Variants in GNA12 observed in about 807,000 individuals in gnomAD.
GNA12 encodes the protein guanine nucleotide-binding protein subunit alpha-12.
GNA12 carries 9 observed loss-of-function variants against 26.0 expected under a neutral mutation model. The ratio of observed to expected loss-of-function variants is 0.35; its 90% confidence interval spans 0.21 to 0.60. The LOEUF is 0.60. GNA12 is among the 20% of genes least tolerant of loss of function. The pLI is 0.78. For synonymous variants in GNA12, 264 were observed against 219.6 expected (o/e 1.20, Z -1.79); for missense variants, 405 against 525.8 (o/e 0.77, Z 2.25).
chr7:2,806,294 C>A (rs369283233), intron 1 of GNA12, among the ~76,000 whole-genome samples: 5 of 151,910 alleles, frequency 3.3e-5, no homozygotes, highest in African/African-American at 1.2e-4. Context: ...GCCTGGCCAA[C>A]ATGGTGAAAC....
At chr7:2,842,504 C>T (rs1779025559) in intron 1 of GNA12, among the ~76,000 whole-genome samples, 1 of 152,164 alleles carries the variant, frequency 6.6e-6, no homozygotes, top group South Asian at 2.1e-4. Context: ...TGCTGTGTTG[C>T]CCAGGTTGGT....
chr7:2,837,196 G>A (rs979476821), intron 1 of GNA12, among the ~76,000 whole-genome samples: 1 of 137,406 alleles, frequency 7.3e-6, no homozygotes, highest in Non-Finnish European at 1.6e-5. Context: ...CCACCACGAG[G>A]CAGAAAGAGG....
At chr7:2,838,162 C>T (rs1421276591) in intron 1 of GNA12, among the ~76,000 whole-genome samples, 1 of 150,710 alleles carries the variant, frequency 6.6e-6, no homozygotes, top group Non-Finnish European at 1.5e-5. Context: ...ATCAATCAGC[C>T]AGGGAGGACA....
intron 1 of GNA12, among the ~76,000 whole-genome samples, chr7:2,800,979 C>G (rs920177066): frequency 1.3e-5 from 2 of 152,120 alleles, no homozygotes; most frequent in African/African-American, 4.8e-5. Context: ...CCCCACTATG[C>G]ACAACAAAAA....
intron 2 of GNA12, among the ~76,000 whole-genome samples, chr7:2,758,394 G>T (rs1451406042): frequency 2.0e-5 from 3 of 152,210 alleles, no homozygotes; most frequent in Non-Finnish European, 4.4e-5. Flanking sequence ...ATGAAAGAGG[G>T]TGTAAAGGGC....
At chr7:2,759,944 G>A (rs773671367) in intron 2 of GNA12, among the ~76,000 whole-genome samples, 1 of 152,214 alleles carries the variant, frequency 6.6e-6, no homozygotes, top group Non-Finnish European at 1.5e-5. Context: ...TGCCAAGCAG[G>A]CTGTGTAGGC....
intron 1 of GNA12, among the ~76,000 whole-genome samples, chr7:2,822,116 C>T (rs996331880): frequency 9.9e-5 from 15 of 151,636 alleles, no homozygotes; most frequent in Admixed American, 8.5e-4. Flanking sequence ...AGCTAAAAAA[C>T]GTTAGAATGT....
intron 2 of GNA12, among the ~76,000 whole-genome samples, chr7:2,737,274 G>GTTTTTT (rs1041056812): frequency 0.013 from 455 of 34,998 alleles, 38 homozygotes; most frequent in East Asian, 0.026. Context: ...GTTTTGTTTT[G>GTTTTTT]TTTTTTTTTT....
chr7:2,824,979 G>A (rs976543501), intron 1 of GNA12, among the ~76,000 whole-genome samples: 6 of 152,068 alleles, frequency 3.9e-5, no homozygotes, highest in African/African-American at 7.2e-5. Flanking sequence ...CTCAGGCCCC[G>A]TGAGGGTGAG....
chr7:2,758,093 T>C (rs1047212136), intron 2 of GNA12, among the ~76,000 whole-genome samples: 5 of 152,198 alleles, frequency 3.3e-5, no homozygotes, highest in African/African-American at 1.2e-4. Flanking sequence ...TCAGCAGCTG[T>C]TGCTTCAGGC....
chr7:2,738,191 A>G (rs798518), intron 2 of GNA12, among the ~76,000 whole-genome samples: 40,164 of 152,018 alleles, frequency 0.26, 5,668 homozygotes, highest in Non-Finnish European at 0.3. Flanking sequence ...AGGCCGAGGC[A>G]ATCACTTGAG....
intron 1 of GNA12, among the ~76,000 whole-genome samples, chr7:2,811,365 CA>C (rs1471972617): frequency 2.6e-5 from 4 of 152,178 alleles, no homozygotes; most frequent in African/African-American, 9.7e-5. Flanking sequence ...ACACAGAAGA[CA>C]AAGGAGCAAC....
intron 1 of GNA12, among the ~76,000 whole-genome samples, chr7:2,820,963 A>ACTG (rs2115495426): frequency 6.6e-6 from 1 of 152,314 alleles, no homozygotes; most frequent in East Asian, 1.9e-4. Context: ...CTGGTCTTGA[A>ACTG]CTGCTGACTT....
At chr7:2,806,348 A>C (rs1792946196) in intron 1 of GNA12, among the ~76,000 whole-genome samples, 1 of 150,516 alleles carries the variant, frequency 6.6e-6, no homozygotes, top group Non-Finnish European at 1.5e-5. Context: ...GTGTGGGCAC[A>C]TGGTGGCAGG....
intron 2 of GNA12, among the ~76,000 whole-genome samples, chr7:2,789,152 T>TC (rs1296436975): frequency 1.6e-5 from 2 of 125,246 alleles, no homozygotes; most frequent in African/African-American, 6.4e-5. Context: ...TTTTTTTTTT[T>TC]TGAGACGGAG....
chr7:2,805,225 C>T (rs942422318), intron 1 of GNA12, among the ~76,000 whole-genome samples: 3 of 152,250 alleles, frequency 2.0e-5, no homozygotes, highest in Non-Finnish European at 4.4e-5. Flanking sequence ...AATCTGCGTT[C>T]ATGGGACTAA....
chr7:2,820,401 C>CTTTTTTTTTTTTTT lies in GNA12; in HGVS notation c.309+23438_309+23451dup, dbSNP rs35674433. ...ATATGTGAGTTATAGCTCAATAAAG[C>CTTTTTTTTTTTTTT]TTTTTTTTTTTTTTTTTTAAGCTGA... On this transcript the variant is annotated intron_variant, in intron 1 of 3. Coordinates refer to ENST00000275364, the MANE Select transcript of GNA12 (RefSeq NM_007353.3). Among the ~76,000 whole-genome samples the CTTTTTTTTTTTTTT allele has an allele frequency of 4.0e-3, 509 of 126,318 alleles. 6 individuals are homozygous for CTTTTTTTTTTTTTT. Among genetic ancestry groups the CTTTTTTTTTTTTTT allele is most frequent in the Middle Eastern group, 0.013 (3 of 224 alleles). 82.9% of individuals were successfully genotyped at this position (126,318 alleles called of 152,430 possible). A position where few individuals can be genotyped will look rare whatever the true frequency, so the allele number is the denominator to read the frequency against.
intron 1 of GNA12, among the ~76,000 whole-genome samples, chr7:2,808,623 T>G (rs568191083): frequency 6.6e-6 from 1 of 152,342 alleles, no homozygotes; most frequent in African/African-American, 2.4e-5. Flanking sequence ...TGTCAGCCAA[T>G]GCCGTGGTTC....
intron 1 of GNA12, among the ~76,000 whole-genome samples, chr7:2,841,995 G>C (rs1024159958): frequency 1.3e-5 from 2 of 150,362 alleles, no homozygotes; most frequent in Admixed American, 6.6e-5. Flanking sequence ...GGAAAGGGTA[G>C]AGAGGTAGGG....
Sources: gnomAD v4.1 joint callset for allele counts (sites outside exome capture counted in the v4.1 genomes callset) on GRCh38, gnomAD v4.1.1 for gene constraint, MANE v1.5 for transcripts, NCBI Gene and HGNC (gene_info 2026-07-23, HGNC 2026-07-21) for gene names.